Variants in CHD1L observed in about 807,000 individuals in gnomAD.
CHD1L encodes the protein chromodomain helicase DNA binding protein 1 like.
CHD1L carries 118 observed loss-of-function variants against 115.9 expected under a neutral mutation model. That is an observed-to-expected ratio of 1.02 (90% CI 0.88 to 1.19). The LOEUF is 1.19. CHD1L is among the 50% of genes most tolerant of loss of function. The pLI, the probability that CHD1L is intolerant of heterozygous loss-of-function variation, is 0.00. For synonymous variants in CHD1L, 411 were observed against 387.1 expected (o/e 1.06, Z -0.72); for missense variants, 1,179 against 1,065.3 (o/e 1.11, Z -1.49).
At chr1:147,204,709 T>A in the CHD1L span, 1 of 1,525,254 alleles carries the variant, frequency 6.6e-7, no homozygotes, top group Non-Finnish European at 9.1e-7. Context: ...TACTTCTAGT[T>A]CTCTTAAAAT....
chr1:147,280,082 CA>C lies in CHD1L; in HGVS notation c.1597del (p.Met533TrpfsTer4). The C allele has an allele frequency of 6.2e-7, 1 of 1,614,000 alleles. No homozygotes were observed. Among genetic ancestry groups the C allele is most frequent in the Non-Finnish European group, 8.5e-7 (1 of 1,179,986 alleles). ...AACTGCTGGCCTCTGAGGGGAGCAC[CA>C]TGGATGAAATAGACCTGGAGTCCAT... is the stretch of plus-strand genomic sequence containing the variant. Reference protein sequence around the residue: ...DKLLASEGSTMDEIDLESILG... With the variant: ...DKLLASEGSTXDEIDLESILG... On this transcript the variant is annotated frameshift_variant, in exon 15 of 23. Transcript: ENST00000369258. LOFTEE classifies it high-confidence loss of function.
the CHD1L span, chr1:147,186,920 T>C: frequency 1.9e-6 from 3 of 1,613,656 alleles, no homozygotes; most frequent in East Asian, 2.2e-5. Context: ...GCTATAATTA[T>C]AGCAAAGAAG....
the CHD1L span, chr1:147,190,084 G>A: frequency 5.1e-6 from 4 of 784,756 alleles, no homozygotes; most frequent in African/African-American, 3.6e-5. Flanking sequence ...AAATCCTTAA[G>A]CTAACATGAG....
At chr1:147,257,200 C>G (rs587700522) in intron 5 of CHD1L, among the ~76,000 whole-genome samples, 100 of 150,214 alleles carry the variant, frequency 6.7e-4, no homozygotes, top group African/African-American at 2.2e-3. Context: ...GTTTCATTCT[C>G]TATAACCTCT....
the CHD1L span, chr1:147,215,549 G>T: frequency 4.0e-6 from 2 of 499,664 alleles, no homozygotes; most frequent in Admixed American, 3.8e-5. Context: ...TCCTGTATCT[G>T]CAGCCAAAAT....
chr1:147,257,583 G>A (rs1477116739), intron 5 of CHD1L, among the ~76,000 whole-genome samples: 1 of 152,170 alleles, frequency 6.6e-6, no homozygotes, highest in Non-Finnish European at 1.5e-5. Flanking sequence ...GTGGAGGGAT[G>A]AGAAGTGTAC....
At chr1:147,250,030 G>T (rs1305368625) in intron 1 of CHD1L, among the ~76,000 whole-genome samples, 1 of 151,680 alleles carries the variant, frequency 6.6e-6, no homozygotes, top group African/African-American at 2.4e-5. Context: ...TTTTATTTTG[G>T]TTATATTATT....
At chr1:147,287,598 C>A in intron 18 of CHD1L, 37 bp from the exon 19 acceptor site, 1 of 1,504,638 alleles carries the variant, frequency 6.6e-7, no homozygotes, top group Non-Finnish European at 9.2e-7. Context: ...CTGGACTTCA[C>A]CTCCTATAGA....
rs374853141 is a variant in CHD1L at position 147,265,913 on chromosome 1, A to AT, written c.740-10dup. 1,020 of 1,549,854 alleles carry AT rather than the reference A, an allele frequency of 6.6e-4. No individual in the cohort carries two copies. Among genetic ancestry groups the AT allele is most frequent in the South Asian group, 1.7e-3 (146 of 83,910 alleles). On this transcript the variant is annotated intron_variant, in intron 7 of 22. Coordinates refer to ENST00000369258, the MANE Select transcript of CHD1L (RefSeq NM_004284.6). ...TCTACTTTTGTCCCACACTTCTTGT[A>AT]TTTTTTTTTCTTATGTAGCAAGTGA...
chr1:147,285,249 C>G lies in CHD1L; in HGVS notation c.1855-75C>G, dbSNP rs192566713. 69 of 1,475,758 alleles carry G rather than the reference C, an allele frequency of 4.7e-5. No individual in the cohort carries two copies. The Middle Eastern group carries it at 9.0e-4, about 19-fold the overall frequency. 91.4% of individuals were successfully genotyped at this position (1,475,758 alleles called of 1,614,324 possible). A position where few individuals can be genotyped will look rare whatever the true frequency, so the allele number is the denominator to read the frequency against. Reference sequence around the variant, plus strand: ...GAATATTAAGCATGTTGCTTCCGTACAGTGTGTGTTAGGGATAATGAAATT... The same window carrying G: ...GAATATTAAGCATGTTGCTTCCGTAGAGTGTGTGTTAGGGATAATGAAATT... On this transcript the variant is annotated intron_variant, in intron 16 of 22. Transcript: ENST00000369258.
the CHD1L span, chr1:147,179,252 T>C: frequency 6.2e-7 from 1 of 1,612,398 alleles, no homozygotes; most frequent in Non-Finnish European, 8.5e-7. Flanking sequence ...CCTGTGAAGG[T>C]AGTGGTAGCA....
chr1:147,293,808 A>G, intron 21 of CHD1L, 86 bp downstream of exon 21: 1 of 1,114,490 alleles, frequency 9.0e-7, no homozygotes, highest in South Asian at 1.3e-5. Flanking sequence ...AGAAATGTCA[A>G]GATCCCACTT....
At chr1:147,265,609 T>C (rs1221621623) in intron 7 of CHD1L, among the ~76,000 whole-genome samples, 1 of 152,194 alleles carries the variant, frequency 6.6e-6, no homozygotes, top group Non-Finnish European at 1.5e-5. Flanking sequence ...ATGGGGACAG[T>C]ATTCCTCACT....
At chr1:147,271,612 G>A (rs587738386) in intron 11 of CHD1L, among the ~76,000 whole-genome samples, 2 of 152,268 alleles carry the variant, frequency 1.3e-5, no homozygotes, top group East Asian at 1.9e-4. Context: ...TCTGAGTTCC[G>A]CAGTATACCT....
At chr1:147,273,376 A>G (rs1195194038) in intron 12 of CHD1L, among the ~76,000 whole-genome samples, 1 of 152,216 alleles carries the variant, frequency 6.6e-6, no homozygotes, top group Non-Finnish European at 1.5e-5. Context: ...AGCTTTCTAA[A>G]TGCCTGCTGC....
At chr1:147,258,615 G>T (rs955049075) in intron 5 of CHD1L, among the ~76,000 whole-genome samples, 1 of 152,018 alleles carries the variant, frequency 6.6e-6, no homozygotes, top group Non-Finnish European at 1.5e-5. Context: ...CCCTCTACTC[G>T]CTTCTCTCAG....
At chr1:147,196,402 C>T in the CHD1L span, among the ~76,000 whole-genome samples, 1 of 152,004 alleles carries the variant, frequency 6.6e-6, no homozygotes, top group East Asian at 1.9e-4. Flanking sequence ...TACTTCTACA[C>T]AACCACAAGT....
At chr1:147,204,141 ATTC>A in the CHD1L span, 1 of 1,074,450 alleles carries the variant, frequency 9.3e-7, no homozygotes, top group Non-Finnish European at 1.5e-6. Context: ...AAATTCATCA[ATTC>A]TTCATCAGTC....
rs1157757508 is a variant in CHD1L, at chr1:147,293,683, G to A, written c.2467G>A (p.Gly823Ser). The A allele has an allele frequency of 1.2e-6, 2 of 1,613,920 alleles. No individual in the cohort carries two copies. Among genetic ancestry groups the A allele is most frequent in the Non-Finnish European group, 8.5e-7 (1 of 1,179,982 alleles). ...CATTAAGATGGCAGCCCTAGAAGAG[G>A]GCCTGAAGAAGATATTTTTAGCAGC... is the stretch of plus-strand genomic sequence containing the variant. ...SGIKMAALEE[G>S]LKKIFLAAKK... is the part of the protein sequence containing the mutation. The change falls in exon 21 of 23, where the codon GGC (glycine) becomes AGC (serine). Residue 823 changes from glycine (G) to serine (S), a missense_variant. Transcript: ENST00000369258.
Sources: gnomAD v4.1 joint callset for allele counts (sites outside exome capture counted in the v4.1 genomes callset) on GRCh38, gnomAD v4.1.1 for gene constraint, MANE v1.5 for transcripts, NCBI Gene and HGNC (gene_info 2026-07-23, HGNC 2026-07-21) for gene names.